Variants in SGMS1 observed in about 807,000 individuals in gnomAD.
SGMS1 encodes phosphatidylcholine:ceramide cholinephosphotransferase 1.
A neutral mutation model predicts 46.2 loss-of-function variants in SGMS1; 13 were observed. The observed-to-expected ratio is 0.28, with a 90% CI of 0.18 to 0.45. SGMS1 has a LOEUF of 0.45. Ranked by LOEUF, SGMS1 falls within the 20% of genes least tolerant of loss-of-function variation. The pLI is 1.00. For missense variants in SGMS1, 324 were observed against 519.9 expected (o/e 0.62, Z 3.66); for synonymous variants, 203 against 187.8 (o/e 1.08, Z -0.66).
chr10:50,623,525 C>A (rs1195551816), intron 1 of SGMS1, 182 bp downstream of exon 1: 5 of 955,210 alleles, frequency 5.2e-6, no homozygotes, highest in Non-Finnish European at 6.2e-6. Context: ...CCCACGGGAG[C>A]AGCAGCTCTG....
At chr10:50,499,504 G>A (rs1045134473) in intron 3 of SGMS1, among the ~76,000 whole-genome samples, 1 of 152,124 alleles carries the variant, frequency 6.6e-6, no homozygotes, top group African/African-American at 2.4e-5. Flanking sequence ...ACTCCCAGAT[G>A]ACCCTGTTTT....
chr10:50,363,555 G>C (rs1454796530), intron 6 of SGMS1, among the ~76,000 whole-genome samples: 2 of 152,150 alleles, frequency 1.3e-5, no homozygotes, highest in Admixed American at 1.3e-4. Flanking sequence ...GAGACATGGA[G>C]AGTTTCTAGA....
chr10:50,308,463 T>C (rs1307980553), intron 9 of SGMS1, among the ~76,000 whole-genome samples: 2 of 152,162 alleles, frequency 1.3e-5, no homozygotes, highest in African/African-American at 4.8e-5. Context: ...TTAAAAACTG[T>C]CCATTGACAT....
At chr10:50,372,529 C>A (rs941965465) in intron 6 of SGMS1, among the ~76,000 whole-genome samples, 1 of 151,900 alleles carries the variant, frequency 6.6e-6, no homozygotes, top group Non-Finnish European at 1.5e-5. Flanking sequence ...GCCATCTCTA[C>A]GAAAAATATA....
intron 6 of SGMS1, among the ~76,000 whole-genome samples, chr10:50,352,399 C>A (rs1848034403): frequency 6.6e-6 from 1 of 152,170 alleles, no homozygotes; most frequent in Non-Finnish European, 1.5e-5. Flanking sequence ...CCAGAAAAGC[C>A]ATGCTGAATC....
rs1189705912 is a variant in SGMS1, at chr10:50,343,566, G to A, written c.549C>T (p.Ala183=). The change falls in exon 7 of 11, where the codon GCC becomes GCT. Residue 183 remains alanine (A), a synonymous_variant. Coordinates refer to ENST00000361781, the MANE Select transcript of SGMS1 (RefSeq NM_147156.4). The part of the protein sequence containing the change: ...FFDHFNRVQW[A]FSICEINGMI... Reference sequence around the variant, plus strand: ...TGCCATTAATTTCACAAATAGAAAAGGCCCACTGCACCCGGTTAAAATGGT... The same window carrying A: ...TGCCATTAATTTCACAAATAGAAAAAGCCCACTGCACCCGGTTAAAATGGT... 1.2e-6 allele frequency: 2 copies of A among 1,613,880 alleles called. No homozygotes were observed. Among genetic ancestry groups the A allele is most frequent in the African/African-American group, 1.3e-5 (1 of 74,868 alleles).
intron 6 of SGMS1, among the ~76,000 whole-genome samples, chr10:50,433,089 C>T (rs1849425805): frequency 6.6e-6 from 1 of 152,066 alleles, no homozygotes; most frequent in South Asian, 2.1e-4. Flanking sequence ...TCAAAATATG[C>T]CCACAGAAAA....
intron 7 of SGMS1, 149 bp downstream of exon 7, chr10:50,343,343 T>A: frequency 1.2e-6 from 1 of 801,140 alleles, no homozygotes; most frequent in Non-Finnish European, 1.8e-6. Context: ...AGACAGTAAG[T>A]TAGTCCAACA....
intron 1 of SGMS1, among the ~76,000 whole-genome samples, chr10:50,605,954 TGAC>T (rs1173414337): frequency 1.3e-5 from 2 of 152,218 alleles, no homozygotes; most frequent in Admixed American, 1.3e-4. Context: ...TCTACATTCA[TGAC>T]AAGGAACATA....
intron 3 of SGMS1, among the ~76,000 whole-genome samples, chr10:50,498,030 C>G (rs2133751554): frequency 6.6e-6 from 1 of 152,334 alleles, no homozygotes. Context: ...TGATATCACA[C>G]TCCAGGGAAT....
At chr10:50,615,927 C>A (rs1460224557) in intron 1 of SGMS1, among the ~76,000 whole-genome samples, 1 of 152,084 alleles carries the variant, frequency 6.6e-6, no homozygotes, top group African/African-American at 2.4e-5. Flanking sequence ...CTTCCCCAGT[C>A]GACTGTAAAA....
chr10:50,558,696 T>TTCC (rs747178244), intron 2 of SGMS1, among the ~76,000 whole-genome samples: 5 of 151,916 alleles, frequency 3.3e-5, no homozygotes, highest in Non-Finnish European at 5.9e-5. Context: ...ACAGCAAACT[T>TTCC]TCCTCCTCCT....
At chr10:50,563,913 G>A (rs899556518) in intron 2 of SGMS1, among the ~76,000 whole-genome samples, 5 of 152,166 alleles carry the variant, frequency 3.3e-5, no homozygotes, top group African/African-American at 1.2e-4. Flanking sequence ...CAAGTGCCAG[G>A]AGCAGCCTGG....
At chr10:50,567,455 G>T (rs1184890605) in intron 2 of SGMS1, among the ~76,000 whole-genome samples, 1 of 152,130 alleles carries the variant, frequency 6.6e-6, no homozygotes, top group Non-Finnish European at 1.5e-5. Context: ...CATGATGTTG[G>T]TGCTTTTTAA....
chr10:50,366,247 A>T (rs548712337), intron 6 of SGMS1, among the ~76,000 whole-genome samples: 1 of 152,344 alleles, frequency 6.6e-6, no homozygotes, highest in African/African-American at 2.4e-5. Flanking sequence ...AAAAAATCCC[A>T]TCAAAAAGTG....
intron 6 of SGMS1, among the ~76,000 whole-genome samples, chr10:50,417,201 A>C (rs1278015040): frequency 2.0e-5 from 3 of 152,152 alleles, no homozygotes; most frequent in African/African-American, 7.2e-5. Flanking sequence ...AACTCTTGCA[A>C]GAAAATAAGT....
chr10:50,581,828 T>C (rs570019584), intron 2 of SGMS1, among the ~76,000 whole-genome samples: 1 of 152,342 alleles, frequency 6.6e-6, no homozygotes, highest in South Asian at 2.1e-4. Context: ...AACAATGTGA[T>C]GTGTCCAGAC....
chr10:50,615,415 C>T (rs1056292396), intron 1 of SGMS1, among the ~76,000 whole-genome samples: 1 of 152,176 alleles, frequency 6.6e-6, no homozygotes, highest in Admixed American at 6.5e-5. Flanking sequence ...TTAATATAGT[C>T]CCCACAATAA....
chr10:50,539,330 G>T (rs1202540380), intron 2 of SGMS1, among the ~76,000 whole-genome samples: 1 of 152,192 alleles, frequency 6.6e-6, no homozygotes, highest in East Asian at 1.9e-4. Flanking sequence ...TGCTCCAGTT[G>T]AATAAGGTCA....
Sources: gnomAD v4.1 joint callset for allele counts (sites outside exome capture counted in the v4.1 genomes callset) on GRCh38, gnomAD v4.1.1 for gene constraint, MANE v1.5 for transcripts, NCBI Gene and HGNC (gene_info 2026-07-23, HGNC 2026-07-21) for gene names.